ABCA13: variants seen among roughly 807,000 people sequenced by gnomAD.
The protein encoded by ABCA13 is ATP binding cassette subfamily A member 13.
Under a neutral mutation model 478.7 loss-of-function variants are expected in ABCA13, and 476 were observed. The ratio of observed to expected loss-of-function variants is 0.99; its 90% CI spans 0.92 to 1.07. The LOEUF is 1.07. ABCA13 is among the 50% of genes least tolerant of loss of function. The pLI, the probability that ABCA13 is intolerant of heterozygous loss-of-function variation, is 0.00. For missense variants in ABCA13, 6,060 were observed against 5,910.6 expected (o/e 1.03, Z -0.83); for synonymous variants, 2,252 against 2,158.9 (o/e 1.04, Z -1.20).
At chr7:48,560,432 T>C (rs1786337921) in intron 55 of ABCA13, among the ~76,000 whole-genome samples, 1 of 152,176 alleles carries the variant, frequency 6.6e-6, no homozygotes. Context: ...TATGACTGTC[T>C]CTCCCACCCT....
chr7:48,429,174 T>C, intron 42 of ABCA13, among the ~76,000 whole-genome samples: 1 of 152,246 alleles, frequency 6.6e-6, no homozygotes, highest in Admixed American at 6.5e-5. Flanking sequence ...CACATTTTTG[T>C]TTGTCCATTC....
At chr7:48,361,463 T>C (rs1810822330) in intron 31 of ABCA13, among the ~76,000 whole-genome samples, 3 of 151,884 alleles carry the variant, frequency 2.0e-5, no homozygotes, top group Admixed American at 2.0e-4. Flanking sequence ...ATTTGACTTC[T>C]GTTTTCTCAA....
chr7:48,626,655 C>A (rs1208516930), intron 59 of ABCA13: 3 of 985,314 alleles, frequency 3.0e-6, no homozygotes, highest in South Asian at 4.7e-5. Context: ...ATGGAGAAGG[C>A]AGCATGGGTG....
At chr7:48,482,386 T>C (rs1162662326) in intron 46 of ABCA13, among the ~76,000 whole-genome samples, 2 of 54,338 alleles carry the variant, frequency 3.7e-5, no homozygotes, top group Admixed American at 1.8e-4. Flanking sequence ...TATTAAGAAA[T>C]TTTTTTTTTT....
At chr7:48,563,847 G>A (rs1200781254) in intron 55 of ABCA13, among the ~76,000 whole-genome samples, 3 of 147,298 alleles carry the variant, frequency 2.0e-5, no homozygotes, top group Non-Finnish European at 4.5e-5. Context: ...TGTTTTGCAT[G>A]GCCTCATCTT....
chr7:48,368,729 A>C (rs1157544138), intron 32 of ABCA13, among the ~76,000 whole-genome samples: 2 of 143,404 alleles, frequency 1.4e-5, no homozygotes, highest in Non-Finnish European at 3.0e-5. Context: ...ATACACACAC[A>C]CATTTATATA....
intron 41 of ABCA13, among the ~76,000 whole-genome samples, chr7:48,419,440 T>C (rs60197550): frequency 0.38 from 57,920 of 152,002 alleles, 11,681 homozygotes; most frequent in African/African-American, 0.51. Context: ...ACAGTAAAAT[T>C]CACTATGAGT....
chr7:48,551,991 A>T (rs375903684), intron 55 of ABCA13, among the ~76,000 whole-genome samples: 5 of 151,858 alleles, frequency 3.3e-5, no homozygotes, highest in African/African-American at 9.7e-5. Flanking sequence ...TCTGAAGTTA[A>T]CCAAAAAAAG....
intron 31 of ABCA13, among the ~76,000 whole-genome samples, chr7:48,354,866 A>G (rs1809635586): frequency 6.6e-6 from 1 of 152,060 alleles, no homozygotes; most frequent in Non-Finnish European, 1.5e-5. Context: ...AAAATCCTAA[A>G]GCACAGTTTG....
At chr7:48,550,638 A>G (rs1252939054) in intron 55 of ABCA13, among the ~76,000 whole-genome samples, 1 of 151,654 alleles carries the variant, frequency 6.6e-6, no homozygotes, top group African/African-American at 2.4e-5. Flanking sequence ...TTTTCAGTGG[A>G]TGATGCCACT....
intron 15 of ABCA13, among the ~76,000 whole-genome samples, chr7:48,251,427 A>G (rs946883159): frequency 6.6e-6 from 1 of 152,182 alleles, no homozygotes; most frequent in Non-Finnish European, 1.5e-5. Flanking sequence ...TCATTTTCAG[A>G]TGAGAAAATT....
intron 42 of ABCA13, among the ~76,000 whole-genome samples, chr7:48,442,630 C>T (rs887880606): frequency 2.0e-5 from 3 of 152,174 alleles, no homozygotes; most frequent in African/African-American, 7.2e-5. Context: ...TAGTCAGCTT[C>T]CTGAGAAATT....
chr7:48,550,265 C>CT (rs57540403), intron 55 of ABCA13, among the ~76,000 whole-genome samples: 2 of 148,326 alleles, frequency 1.3e-5, no homozygotes, highest in African/African-American at 5.0e-5. Context: ...CTCTATTTTT[C>CT]TTTTTTTTGG....
chr7:48,417,218 A>C (rs1199721285), intron 41 of ABCA13, among the ~76,000 whole-genome samples: 1 of 152,170 alleles, frequency 6.6e-6, no homozygotes, highest in African/African-American at 2.4e-5. Flanking sequence ...AACCCTCAAG[A>C]TCTGTGACGG....
chr7:48,325,339 C>T (rs763406078), intron 27 of ABCA13, among the ~76,000 whole-genome samples: 22 of 152,252 alleles, frequency 1.4e-4, no homozygotes, highest in South Asian at 4.1e-4. Context: ...TGTGCAGAAC[C>T]CTACCTTACA....
At chr7:48,389,019 G>T in intron 36 of ABCA13, 21 bp from the exon 37 acceptor site, 1 of 1,603,556 alleles carries the variant, frequency 6.2e-7, no homozygotes, top group Non-Finnish European at 8.5e-7. Flanking sequence ...TTTTCACAAT[G>T]AATTTTCATC....
At chr7:48,394,736 G>A (rs987622674) in intron 38 of ABCA13, among the ~76,000 whole-genome samples, 22 of 151,932 alleles carry the variant, frequency 1.4e-4, no homozygotes, top group African/African-American at 5.3e-4. Context: ...GGTGGTATTT[G>A]GTTACATGAG....
At chr7:48,414,891 A>G (rs952174259) in intron 41 of ABCA13, among the ~76,000 whole-genome samples, 7 of 152,326 alleles carry the variant, frequency 4.6e-5, no homozygotes, top group Non-Finnish European at 8.8e-5. Flanking sequence ...TCTCACTTAC[A>G]GTGGGATTGC....
intron 55 of ABCA13, among the ~76,000 whole-genome samples, chr7:48,562,154 T>G (rs1254951975): frequency 1.3e-5 from 2 of 151,924 alleles, no homozygotes; most frequent in African/African-American, 2.4e-5. Flanking sequence ...TCTTCATATA[T>G]TCTCTCTTTA....
Sources: gnomAD v4.1 joint callset for allele counts (sites outside exome capture counted in the v4.1 genomes callset) on GRCh38, gnomAD v4.1.1 for gene constraint, MANE v1.5 for transcripts, NCBI Gene and HGNC (gene_info 2026-07-23, HGNC 2026-07-21) for gene names.